Variants in GRIA1 observed in about 807,000 individuals in gnomAD.
GRIA1 encodes the protein glutamate receptor 1.
Under a neutral mutation model 99.2 loss-of-function variants are expected in GRIA1, and 31 were observed. The ratio of observed to expected loss-of-function variants is 0.31; its 90% CI spans 0.23 to 0.42. The LOEUF (loss-of-function observed/expected upper bound fraction) is 0.42. Among genes scored for constraint, GRIA1 ranks in the 10% least tolerant of loss-of-function variants. GRIA1 has a pLI of 1.00. For synonymous variants in GRIA1, 438 were observed against 432.4 expected, an observed-to-expected ratio of 1.01 and a Z score of -0.16; for missense variants, 782 against 1,157.5, an observed-to-expected ratio of 0.68 and a Z score of 4.71.
intron 2 of GRIA1, among the ~76,000 whole-genome samples, chr5:153,621,114 A>G (rs111606838): frequency 2.6e-5 from 4 of 152,340 alleles, no homozygotes; most frequent in African/African-American, 7.2e-5. Context: ...CTGAAATCAC[A>G]TATGTAAATT....
At chr5:153,760,843 T>C (rs1021135406) in intron 11 of GRIA1, among the ~76,000 whole-genome samples, 2 of 151,936 alleles carry the variant, frequency 1.3e-5, no homozygotes, top group African/African-American at 4.8e-5. Flanking sequence ...CACAGACTAA[T>C]GGAACAAAAT....
At chr5:153,617,768 C>G (rs1287635890) in intron 2 of GRIA1, among the ~76,000 whole-genome samples, 1 of 152,118 alleles carries the variant, frequency 6.6e-6, no homozygotes, top group Non-Finnish European at 1.5e-5. Context: ...CTCTTTATGT[C>G]TATTATTTAA....
intron 2 of GRIA1, among the ~76,000 whole-genome samples, chr5:153,507,995 C>A (rs1401807028): frequency 1.3e-5 from 2 of 152,206 alleles, no homozygotes; most frequent in Non-Finnish European, 2.9e-5. Flanking sequence ...CTCTACTAAA[C>A]CCTGGAGATA....
chr5:153,774,671 T>C (rs1197644910), intron 13 of GRIA1, among the ~76,000 whole-genome samples: 1 of 152,216 alleles, frequency 6.6e-6, no homozygotes, highest in Non-Finnish European at 1.5e-5. Flanking sequence ...GCATTCACTC[T>C]CTTACAGCCT....
intron 2 of GRIA1, among the ~76,000 whole-genome samples, chr5:153,513,819 G>A (rs930515847): frequency 2.1e-5 from 3 of 140,198 alleles, no homozygotes; most frequent in Non-Finnish European, 4.7e-5. Flanking sequence ...GCAAAATTTT[G>A]TAATATCTCT....
intron 2 of GRIA1, among the ~76,000 whole-genome samples, chr5:153,520,673 G>C (rs1010430581): frequency 6.6e-6 from 1 of 152,048 alleles, no homozygotes; most frequent in African/African-American, 2.4e-5. Flanking sequence ...CCTTACAAAT[G>C]CTGTAACTTT....
chr5:153,767,872 C>T (rs1763624079), intron 12 of GRIA1, among the ~76,000 whole-genome samples: 2 of 152,186 alleles, frequency 1.3e-5, no homozygotes, highest in African/African-American at 2.4e-5. Flanking sequence ...CCTTCACATT[C>T]CTGGAGATTA....
chr5:153,678,322 C>T (rs968144876), intron 7 of GRIA1, among the ~76,000 whole-genome samples: 1 of 152,210 alleles, frequency 6.6e-6, no homozygotes. Context: ...AGGAACCTCA[C>T]CAGCTGTTCC....
At position 153,510,439 on chromosome 5, in the gene GRIA1, T is replaced by A. The variant is rs115031214; in HGVS notation, c.220+16374T>A. ...AAAGTTGCCTTGATCATAAGTATCC[T>A]GTAAATCCAGCGGGCATTGTGAACA... On this transcript the variant is annotated intron_variant, in intron 2 of 15. Coordinates refer to ENST00000285900, the MANE Select transcript of GRIA1 (RefSeq NM_000827.4). 6.4e-3 allele frequency among the ~76,000 whole-genome samples: 981 copies of A among 152,322 alleles called. 9 individuals are homozygous for A. The highest frequency in any genetic ancestry group is 9.3e-3 in the Non-Finnish European group (630 of 68,032).
At chr5:153,686,134 C>T (rs950735462) in intron 7 of GRIA1, 91 bp from the exon 8 acceptor site, 3 of 928,350 alleles carry the variant, frequency 3.2e-6, no homozygotes, top group Non-Finnish European at 5.3e-6. Context: ...ATGGAACACT[C>T]TTGGGTTCTG....
chr5:153,797,665 C>A (rs1294575703), intron 14 of GRIA1, among the ~76,000 whole-genome samples: 1 of 152,164 alleles, frequency 6.6e-6, no homozygotes, highest in Non-Finnish European at 1.5e-5. Context: ...CTCTGCAAGC[C>A]ACATCATCTC....
intron 2 of GRIA1, among the ~76,000 whole-genome samples, chr5:153,574,149 A>T (rs1361951783): frequency 6.6e-6 from 1 of 152,232 alleles, no homozygotes; most frequent in African/African-American, 2.4e-5. Context: ...TTAATGATTT[A>T]GAGTCAGTTG....
chr5:153,629,296 T>C (rs1270717325), intron 2 of GRIA1, among the ~76,000 whole-genome samples: 1 of 152,206 alleles, frequency 6.6e-6, no homozygotes, highest in Admixed American at 6.5e-5. Flanking sequence ...AGCATGCTTT[T>C]CACAGCACCC....
At chr5:153,783,115 C>A (rs1764744593) in intron 13 of GRIA1, among the ~76,000 whole-genome samples, 1 of 152,142 alleles carries the variant, frequency 6.6e-6, no homozygotes, top group East Asian at 1.9e-4. Flanking sequence ...AGCATTGTGA[C>A]CCTGTGTATT....
chr5:153,592,405 C>T (rs1052057729), intron 2 of GRIA1, among the ~76,000 whole-genome samples: 1 of 151,748 alleles, frequency 6.6e-6, no homozygotes, highest in Non-Finnish European at 1.5e-5. Context: ...CCTGTCTGTG[C>T]CGTGGTCTCT....
intron 13 of GRIA1, among the ~76,000 whole-genome samples, chr5:153,778,219 G>A (rs913548646): frequency 7.4e-6 from 1 of 135,560 alleles, no homozygotes; most frequent in Non-Finnish European, 1.6e-5. Context: ...GTGTGTGTGT[G>A]TGTGTGTTTC....
intron 13 of GRIA1, among the ~76,000 whole-genome samples, chr5:153,785,233 T>C (rs556485467): frequency 1.8e-4 from 28 of 152,244 alleles, no homozygotes; most frequent in Non-Finnish European, 3.4e-4. Flanking sequence ...CCATGCTCAC[T>C]TGTGCACTGA....
At chr5:153,510,892 T>A (rs1406907170) in intron 2 of GRIA1, among the ~76,000 whole-genome samples, 1 of 152,128 alleles carries the variant, frequency 6.6e-6, no homozygotes, top group Non-Finnish European at 1.5e-5. Context: ...CCATTAGAAC[T>A]GTGATGTTCT....
At chr5:153,607,590 G>A (rs1204312918) in intron 2 of GRIA1, among the ~76,000 whole-genome samples, 1 of 151,398 alleles carries the variant, frequency 6.6e-6, no homozygotes, top group Non-Finnish European at 1.5e-5. Flanking sequence ...TGAATATTAG[G>A]CACCCCTTAA....
Sources: gnomAD v4.1 joint callset for allele counts (sites outside exome capture counted in the v4.1 genomes callset) on GRCh38, gnomAD v4.1.1 for gene constraint, MANE v1.5 for transcripts, NCBI Gene and HGNC (gene_info 2026-07-23, HGNC 2026-07-21) for gene names.